MOCOS: variants seen among roughly 807,000 people sequenced by gnomAD.
MOCOS encodes molybdenum cofactor sulfurase, also known as human molybdenum cofactor sulfurase.
In MOCOS, 86 loss-of-function variants were observed where a neutral mutation model predicts 83.6. The ratio of observed to expected loss-of-function variants is 1.03; its 90% CI spans 0.86 to 1.23. The LOEUF (loss-of-function observed/expected upper bound fraction) is 1.23. Among genes scored for constraint, MOCOS ranks in the 50% most tolerant of loss-of-function variants. MOCOS has a pLI of 0.00. For synonymous variants in MOCOS, 445 were observed against 434.7 expected (o/e 1.02, Z -0.29); for missense variants, 1,120 against 1,126.9 (o/e 0.99, Z 0.09).
chr18:36,227,201 C>T (rs1353990621), intron 9 of MOCOS, among the ~76,000 whole-genome samples: 2 of 151,222 alleles, frequency 1.3e-5, no homozygotes, highest in Non-Finnish European at 2.9e-5. Context: ...CATGAGCCAC[C>T]ACCCCTGGCC....
In MOCOS at chr18:36,247,487, C is replaced by T. The variant is rs986299859; in HGVS notation, c.1961-1435C>T. The stretch of plus-strand genomic sequence containing the variant: ...TGTGGCCCCTCTCCAATTCCACTGG[C>T]TGCCTTCCCTTCCCCAAGAACCCCT... On this transcript the variant is annotated intron_variant, in intron 9 of 14. Transcript: ENST00000261326. 8.5e-5 allele frequency among the ~76,000 whole-genome samples: 13 copies of T among 152,300 alleles called. No individual in the cohort carries two copies. In the South Asian group the frequency reaches 2.7e-3, roughly 32 times the overall value.
At chr18:36,225,735 ATTTTATGT>A (rs2091512807) in intron 9 of MOCOS, among the ~76,000 whole-genome samples, 1 of 151,954 alleles carries the variant, frequency 6.6e-6, no homozygotes, top group Admixed American at 6.6e-5. Context: ...AAATTTTGAT[ATTTTATGT>A]TTTCATTTGT....
At chr18:36,195,961 G>A (rs1400556036) in intron 2 of MOCOS, among the ~76,000 whole-genome samples, 1 of 152,172 alleles carries the variant, frequency 6.6e-6, no homozygotes, top group Non-Finnish European at 1.5e-5. Flanking sequence ...GGATGCTGGA[G>A]GATGAGCCAG....
chr18:36,263,975 G>C (rs1331306251), intron 13 of MOCOS, among the ~76,000 whole-genome samples: 3 of 152,096 alleles, frequency 2.0e-5, no homozygotes, highest in Non-Finnish European at 4.4e-5. Context: ...TCAGGAGTTT[G>C]ACACCAGCCT....
chr18:36,198,597 C>CT, intron 2 of MOCOS, 93 bp from the exon 3 acceptor site: 2 of 1,287,524 alleles, frequency 1.6e-6, no homozygotes, highest in South Asian at 2.4e-5. Flanking sequence ...TTATGTTGAG[C>CT]TTTTTGAGAA....
chr18:36,215,255 T>G (rs1051556016), intron 7 of MOCOS, among the ~76,000 whole-genome samples: 5 of 152,294 alleles, frequency 3.3e-5, no homozygotes, highest in Non-Finnish European at 5.9e-5. Flanking sequence ...ATGCTTTCCA[T>G]GAAGTATTTC....
At chr18:36,193,252 A>C (rs913679401) in intron 1 of MOCOS, among the ~76,000 whole-genome samples, 2 of 135,528 alleles carry the variant, frequency 1.5e-5, no homozygotes, top group African/African-American at 5.5e-5. Context: ...CGGAGCTTGC[A>C]GTGAGCCGAG....
chr18:36,220,253 C>T, intron 9 of MOCOS, 36 bp downstream of exon 9: 1 of 1,611,480 alleles, frequency 6.2e-7, no homozygotes, highest in Non-Finnish European at 8.5e-7. Flanking sequence ...GAGCAGCTCC[C>T]AACAGCAGCT....
intron 13 of MOCOS, among the ~76,000 whole-genome samples, chr18:36,261,713 A>G (rs1568070210): frequency 6.6e-6 from 1 of 152,080 alleles, no homozygotes; most frequent in Admixed American, 6.5e-5. Context: ...TATGTCCTAC[A>G]TTCTCTCCCA....
At chr18:36,225,967 C>T (rs1323800318) in intron 9 of MOCOS, among the ~76,000 whole-genome samples, 7 of 148,948 alleles carry the variant, frequency 4.7e-5, no homozygotes, top group Admixed American at 3.3e-4. Flanking sequence ...TAAGACCTAA[C>T]ATGATCTATC....
At chr18:36,234,295 T>TC (rs2091549561) in intron 9 of MOCOS, among the ~76,000 whole-genome samples, 2 of 152,304 alleles carry the variant, frequency 1.3e-5, no homozygotes, top group South Asian at 4.1e-4. Flanking sequence ...GGGTGTCCTT[T>TC]CCCCACTTTG....
intron 9 of MOCOS, among the ~76,000 whole-genome samples, chr18:36,241,954 G>T (rs1568063708): frequency 6.6e-6 from 1 of 152,212 alleles, no homozygotes; most frequent in Non-Finnish European, 1.5e-5. Context: ...ACACAGCAGT[G>T]GGGCCCTGAG....
chr18:36,260,849 CCTT>C (rs2091661499), intron 13 of MOCOS, among the ~76,000 whole-genome samples: 1 of 151,852 alleles, frequency 6.6e-6, no homozygotes, highest in African/African-American at 2.4e-5. Context: ...GTCACAGTGA[CCTT>C]CTCTCTGTTC....
intron 9 of MOCOS, among the ~76,000 whole-genome samples, chr18:36,237,019 A>T (rs1259917620): frequency 1.3e-5 from 2 of 151,260 alleles, no homozygotes; most frequent in African/African-American, 4.9e-5. Context: ...TTATGAGCTT[A>T]AGGAGATTTT....
intron 9 of MOCOS, among the ~76,000 whole-genome samples, chr18:36,238,961 G>GC (rs2091570432): frequency 6.6e-6 from 1 of 151,316 alleles, no homozygotes; most frequent in Admixed American, 6.6e-5. Context: ...TGCAACCCCT[G>GC]CCTTTTTTTG....
chr18:36,256,318 A>G (rs1039395916), intron 11 of MOCOS, among the ~76,000 whole-genome samples: 5 of 152,180 alleles, frequency 3.3e-5, no homozygotes, highest in Non-Finnish European at 7.3e-5. Flanking sequence ...TGCCCTCACC[A>G]GGGCTCTCTG....
intron 11 of MOCOS, 105 bp downstream of exon 11, chr18:36,251,388 G>A: frequency 7.0e-7 from 1 of 1,433,474 alleles, no homozygotes. Context: ...GCTGATGTAT[G>A]GAAAGCAGGG....
chr18:36,265,005 G>A (rs1220769475), intron 13 of MOCOS, among the ~76,000 whole-genome samples: 1 of 152,234 alleles, frequency 6.6e-6, no homozygotes, highest in Admixed American at 6.5e-5. Flanking sequence ...TGCACCTGAA[G>A]AGGAGAGAGT....
Position 36,203,349 on chromosome 18 carries a change from G to C in MOCOS, c.1018+160G>C, listed in dbSNP as rs529647354. Among the ~76,000 whole-genome samples, 4 of 152,346 alleles carry C rather than the reference G, an allele frequency of 2.6e-5. No individual in the cohort carries two copies. In the South Asian group the frequency reaches 8.3e-4, roughly 32 times the overall value. On this transcript the variant is annotated intron_variant, in intron 5 of 14. Transcript: ENST00000261326. ...CTAGTAACTTCAAAACCACTTCAGA[G>C]AGCAAGAGAATGAGGTGGGGTTTTT...
Sources: allele counts gnomAD v4.1 joint callset (sites outside exome capture counted in the v4.1 genomes callset), GRCh38; gene constraint gnomAD v4.1.1; transcripts MANE v1.5; gene names NCBI Gene and HGNC (gene_info 2026-07-23, HGNC 2026-07-21).